The following WDFY3 variants were observed in gnomAD, a reference collection of about 807,000 sequenced individuals.
WDFY3 encodes the protein WD repeat and FYVE domain-containing protein 3.
A neutral mutation model predicts 409.6 loss-of-function variants in WDFY3; 66 were observed. That is an observed-to-expected ratio of 0.16 (90% confidence interval 0.13 to 0.20). The LOEUF is 0.20. WDFY3 is among the 10% of genes least tolerant of loss of function. The pLI is 1.00. For missense variants in WDFY3, 3,031 were observed against 4,298.1 expected (o/e 0.71, Z 8.24); for synonymous variants, 1,521 against 1,537.1 (o/e 0.99, Z 0.25).
chr4:84,911,543 A>T (rs888374139), intron 2 of WDFY3, among the ~76,000 whole-genome samples: 12 of 152,272 alleles, frequency 7.9e-5, no homozygotes, highest in Non-Finnish European at 1.3e-4. Flanking sequence ...TTCACTGAAG[A>T]AGATATATAC....
intron 21 of WDFY3, among the ~76,000 whole-genome samples, chr4:84,794,189 TATTA>T (rs1243858741): frequency 3.3e-5 from 5 of 152,206 alleles, no homozygotes; most frequent in Non-Finnish European, 7.3e-5. Flanking sequence ...GCTCAATGAA[TATTA>T]ATTAATTAAG....
intron 30 of WDFY3, among the ~76,000 whole-genome samples, chr4:84,768,692 C>T (rs1323769503): frequency 6.6e-6 from 1 of 152,150 alleles, no homozygotes; most frequent in Non-Finnish European, 1.5e-5. Flanking sequence ...GATGGAGATG[C>T]ACAAAAAAAT....
intron 39 of WDFY3, among the ~76,000 whole-genome samples, chr4:84,739,567 G>T (rs568384829): frequency 1.3e-5 from 2 of 152,242 alleles, no homozygotes; most frequent in East Asian, 3.9e-4. Context: ...TCCAGTAGCA[G>T]TTGTCTCCAT....
At chr4:84,773,035 C>T (rs1173854589) in intron 29 of WDFY3, 106 bp from the exon 30 acceptor site, 12 of 590,846 alleles carry the variant, frequency 2.0e-5, no homozygotes, top group South Asian at 1.8e-4. Context: ...CAAAACAGTA[C>T]TTTTTTTTTT....
chr4:84,910,030 C>A (rs1185558099), intron 2 of WDFY3, among the ~76,000 whole-genome samples: 1 of 152,190 alleles, frequency 6.6e-6, no homozygotes, highest in Non-Finnish European at 1.5e-5. Flanking sequence ...GTGGGTTCCA[C>A]ACTGTGGATT....
intron 7 of WDFY3, among the ~76,000 whole-genome samples, chr4:84,834,027 C>G (rs1304155397): frequency 6.6e-6 from 1 of 152,060 alleles, no homozygotes; most frequent in Non-Finnish European, 1.5e-5. Context: ...CATCTTTTAC[C>G]ATATGTGAAT....
intron 1 of WDFY3, among the ~76,000 whole-genome samples, chr4:84,935,633 A>G (rs1477017214): frequency 6.6e-6 from 1 of 152,168 alleles, no homozygotes; most frequent in Admixed American, 6.6e-5. Flanking sequence ...TTGACCAAAA[A>G]CAGGCAATTG....
intron 1 of WDFY3, among the ~76,000 whole-genome samples, chr4:84,938,745 T>C (rs986824005): frequency 6.6e-6 from 1 of 152,206 alleles, no homozygotes; most frequent in East Asian, 1.9e-4. Context: ...ATTACTAATG[T>C]CACCTCTTTA....
intron 38 of WDFY3, 59 bp downstream of exon 38, chr4:84,741,702 G>T: frequency 1.4e-6 from 2 of 1,464,610 alleles, no homozygotes; most frequent in Non-Finnish European, 1.8e-6. Context: ...CAACAATTTT[G>T]ACACCATAGG....
In WDFY3 at chr4:84,722,378, C is replaced by T. The variant is rs141651775; in HGVS notation, c.7442-806G>A. Among the ~76,000 whole-genome samples the T allele has an allele frequency of 2.2e-3, 338 of 152,204 alleles. 1 individual carries two copies. The highest frequency in any genetic ancestry group is 0.013 in the South Asian group (62 of 4,812). On this transcript the variant is annotated intron_variant, in intron 46 of 67. Transcript: ENST00000295888. ...CTCCAGCCTGGGTGACACAGCAAGACTCTGTCTCAAAAAAAGTAAAAAATA... is the reference window on the plus strand; with the variant it reads ...CTCCAGCCTGGGTGACACAGCAAGATTCTGTCTCAAAAAAAGTAAAAAATA...
At chr4:84,859,661 C>T (rs998890191) in intron 4 of WDFY3, among the ~76,000 whole-genome samples, 4 of 152,150 alleles carry the variant, frequency 2.6e-5, no homozygotes, top group Admixed American at 6.5e-5. Context: ...CTGCAACCTT[C>T]GCCTCTCGGG....
rs944623477 is a variant in WDFY3 at position 84,909,022 on chromosome 4, G to A, written c.-131-12012C>T. Among the ~76,000 whole-genome samples, 15 of 150,774 alleles carry A rather than the reference G, an allele frequency of 9.9e-5. No homozygotes were observed. In the East Asian group the frequency reaches 1.6e-3, roughly 16 times the overall value. ...ATACTAGGAGTCTATTCCTACGCAC[G>A]TATCCATACACACACACACACACAC... On this transcript the variant is annotated intron_variant, in intron 2 of 67. Coordinates refer to ENST00000295888, the MANE Select transcript of WDFY3 (RefSeq NM_014991.6).
At chr4:84,674,964 A>T (rs1255872549) in intron 67 of WDFY3, among the ~76,000 whole-genome samples, 3 of 149,260 alleles carry the variant, frequency 2.0e-5, no homozygotes, top group African/African-American at 7.4e-5. Flanking sequence ...ATGGGTTTTT[A>T]AATTTATTAT....
chr4:84,678,338 A>G (rs1359253693), intron 65 of WDFY3, 59 bp from the exon 66 acceptor site: 1 of 1,269,802 alleles, frequency 7.9e-7, no homozygotes, highest in East Asian at 2.3e-5. Context: ...AATACTGGGG[A>G]GAACTACTCT....
intron 18 of WDFY3, 24 bp downstream of exon 18, chr4:84,797,972 A>G: frequency 6.4e-7 from 1 of 1,558,116 alleles, no homozygotes; most frequent in Non-Finnish European, 8.8e-7. Context: ...AAAATAAATC[A>G]AAAAAGGGAA....
chr4:84,898,191 T>C (rs1765887252), intron 2 of WDFY3, among the ~76,000 whole-genome samples: 1 of 152,210 alleles, frequency 6.6e-6, no homozygotes, highest in Non-Finnish European at 1.5e-5. Context: ...GTGACTACTG[T>C]ATTAGACAGA....
chr4:84,722,366 G>A (rs1275745342), intron 46 of WDFY3, among the ~76,000 whole-genome samples: 1 of 152,006 alleles, frequency 6.6e-6, no homozygotes, highest in Non-Finnish European at 1.5e-5. Context: ...CAGCCTGGGT[G>A]ACACAGCAAG....
intron 58 of WDFY3, among the ~76,000 whole-genome samples, chr4:84,694,604 A>G (rs1447392029): frequency 6.6e-6 from 1 of 152,180 alleles, no homozygotes; most frequent in African/African-American, 2.4e-5. Context: ...ATATTCTTCA[A>G]CTGTGAATAA....
intron 1 of WDFY3, among the ~76,000 whole-genome samples, chr4:84,942,375 T>A (rs750442446): frequency 6.6e-6 from 1 of 152,166 alleles, no homozygotes; most frequent in East Asian, 1.9e-4. Flanking sequence ...GAATAAAAGA[T>A]GTCGACACTT....
Sources: gnomAD v4.1 joint callset for allele counts (sites outside exome capture counted in the v4.1 genomes callset) on GRCh38, gnomAD v4.1.1 for gene constraint, MANE v1.5 for transcripts, NCBI Gene and HGNC (gene_info 2026-07-23, HGNC 2026-07-21) for gene names.